Variants in KIR2DL1 observed in about 807,000 individuals in gnomAD.
The protein encoded by KIR2DL1 is killer cell immunoglobulin like receptor, two Ig domains and long cytoplasmic tail 1.
KIR2DL1 carries 38 observed loss-of-function variants against 33.9 expected under a neutral mutation model. That is an observed-to-expected ratio of 1.12 (90% CI 0.86 to 1.47). The LOEUF (loss-of-function observed/expected upper bound fraction) is 1.47, where lower values mean the gene tolerates loss of function less well. KIR2DL1 is among the 40% of genes most tolerant of loss of function. The probability of loss-of-function intolerance (pLI) is 0.00; values close to 1 mark genes in which losing one functional copy is unlikely to be tolerated. For missense variants in KIR2DL1, 531 were observed against 433.9 expected, an observed-to-expected ratio of 1.22 and a Z score of -1.99; for synonymous variants, 179 against 165.9, an observed-to-expected ratio of 1.08 and a Z score of -0.61.
chr19:54,781,274 A>C (rs1398971184), intron 5 of KIR2DL1, among the ~76,000 whole-genome samples: 1 of 146,748 alleles, frequency 6.8e-6, no homozygotes, highest in Non-Finnish European at 1.5e-5. Flanking sequence ...CTCTATAATT[A>C]CTTCTTTGAT....
intron 1 of KIR2DL1, among the ~76,000 whole-genome samples, chr19:54,770,150 A>C (rs1271422264): frequency 1.8e-5 from 2 of 110,588 alleles, no homozygotes; most frequent in African/African-American, 7.2e-5. Context: ...GGAGATAGGA[A>C]CCTGGAGGGG....
rs1469789350 is a variant in KIR2DL1 at position 54,770,963 on chromosome 19, G to C, written c.70+79G>C. The C allele has an allele frequency of 4.1e-5, 63 of 1,541,548 alleles. 6 individuals are homozygous for C. Among genetic ancestry groups the C allele is most frequent in the Middle Eastern group, 1.9e-4 (1 of 5,222 alleles). On this transcript the variant is annotated intron_variant, in intron 2 of 7. Coordinates refer to ENST00000336077, the MANE Select transcript of KIR2DL1 (RefSeq NM_014218.3). The stretch of plus-strand genomic sequence containing the variant: ...CTGAAATGGGAGGGAAGTCCTGTCA[G>C]GGAGTCTCTCATAAACTAGGAAGAA...
chr19:54,775,287 G>A lies in KIR2DL1; in HGVS notation c.493G>A (p.Glu165Lys), dbSNP rs373043299. 6.9e-5 allele frequency: 110 copies of A among 1,602,832 alleles called. 6 individuals carry two copies. In the African/African-American group the frequency reaches 8.5e-4, roughly 12 times the overall value. ...YDMYHLSREG[E>K]AHERRLPAGP... is the part of the protein sequence containing the mutation. ...CATGTACCATCTATCCAGGGAAGGG[G>A]AGGCCCATGAACGTAGGCTCCCTGC... Residue 165 changes from glutamate to lysine, a missense_variant, in exon 4 of 8, where the codon GAG becomes AAG. Coordinates refer to ENST00000336077, the MANE Select transcript of KIR2DL1 (RefSeq NM_014218.3).
chr19:54,776,634 C>CTTT (rs113294942), intron 4 of KIR2DL1, among the ~76,000 whole-genome samples: 7 of 128,312 alleles, frequency 5.5e-5, no homozygotes, highest in Non-Finnish European at 1.0e-4. Flanking sequence ...TGAAAGTTCT[C>CTTT]TTTTTTTTTT....
intron 2 of KIR2DL1, among the ~76,000 whole-genome samples, chr19:54,773,031 C>T (rs764594617): frequency 1.3e-5 from 2 of 148,362 alleles, no homozygotes; most frequent in Non-Finnish European, 3.0e-5. Flanking sequence ...CCTGGTTCCT[C>T]TTCCACCCCC....
intron 4 of KIR2DL1, among the ~76,000 whole-genome samples, chr19:54,776,843 T>G (rs1485437118): frequency 8.1e-5 from 12 of 147,320 alleles, no homozygotes; most frequent in East Asian, 3.9e-4. Context: ...GGTTTCCCCA[T>G]GTTGGCTGGG....
At chr19:54,781,834 T>C (rs545816529) in intron 5 of KIR2DL1, among the ~76,000 whole-genome samples, 476 of 151,898 alleles carry the variant, frequency 3.1e-3, no homozygotes, top group African/African-American at 0.011. Flanking sequence ...AGTTGTTTGA[T>C]TCAAGAATGC....
rs2076107016 is a variant in KIR2DL1, at chr19:54,774,544, GATAGATAATAGGTTATAGATAC to G, written c.371-614_371-593del. On this transcript the variant is annotated intron_variant, in intron 3 of 7. Coordinates refer to ENST00000336077, the MANE Select transcript of KIR2DL1 (RefSeq NM_014218.3). ...ATAGATAGATGATAAATAGGTAGAT[GATAGATAATAGGTTATAGATAC>G]ATAGATGATGATTGATTGATTCATT... Among the ~76,000 whole-genome samples, 2 of 148,266 alleles carry G rather than the reference GATAGATAATAGGTTATAGATAC, an allele frequency of 1.3e-5. 1 individual carries two copies. Among genetic ancestry groups the G allele is most frequent in the Non-Finnish European group, 3.0e-5 (2 of 66,162 alleles).
chr19:54,771,019 G>T, intron 2 of KIR2DL1, 135 bp downstream of exon 2: 13 of 1,324,846 alleles, frequency 9.8e-6, no homozygotes, highest in Non-Finnish European at 1.4e-5. Flanking sequence ...CCACATTTCT[G>T]ACCTTGCCTC....
At chr19:54,772,874 G>T (rs866339559) in intron 2 of KIR2DL1, among the ~76,000 whole-genome samples, 1 of 144,992 alleles carries the variant, frequency 6.9e-6, no homozygotes, top group Non-Finnish European at 1.5e-5. Context: ...CACTGGCATG[G>T]CAAGAGTGGC....
intron 5 of KIR2DL1, among the ~76,000 whole-genome samples, chr19:54,782,504 G>C (rs1222061195): frequency 6.6e-6 from 1 of 151,994 alleles, no homozygotes; most frequent in South Asian, 2.1e-4. Flanking sequence ...GGGAGCAAGG[G>C]GGAGGGGGAG....
At chr19:54,782,367 C>A in intron 5 of KIR2DL1, among the ~76,000 whole-genome samples, 1 of 152,076 alleles carries the variant, frequency 6.6e-6, no homozygotes, top group South Asian at 2.1e-4. Context: ...CCTCACCGTT[C>A]TGCAGGCTGT....
chr19:54,784,033 CTTAACCCACAGT>C lies in KIR2DL1; in HGVS notation c.*222_*233del. 1 of 744,816 alleles carries C rather than the reference CTTAACCCACAGT, an allele frequency of 1.3e-6. No individual in the cohort carries two copies. The highest frequency in any genetic ancestry group is 2.2e-6 in the Non-Finnish European group (1 of 455,894). The allele number at this position is 744,816 out of a possible 1,614,324, so 46.1% of individuals were successfully genotyped here. A position where few individuals can be genotyped will look rare whatever the true frequency, so the allele number is the denominator to read the frequency against. On this transcript the variant is annotated 3_prime_UTR_variant, in exon 8 of 8. Coordinates refer to ENST00000336077, the MANE Select transcript of KIR2DL1 (RefSeq NM_014218.3). ...GCTGGAGAAAAAACACACTCCTTTG[CTTAACCCACAGT>C]TCTCCATTTCACTTGACCCCTGCCC...
intron 6 of KIR2DL1, 126 bp downstream of exon 6, chr19:54,783,149 G>A (rs1312429787): frequency 2.7e-6 from 3 of 1,131,198 alleles, no homozygotes; most frequent in Non-Finnish European, 2.6e-6. Flanking sequence ...ACAGAGGCAG[G>A]ACTTTCTAGA....
At chr19:54,779,933 C>A (rs1272231662) in intron 5 of KIR2DL1, among the ~76,000 whole-genome samples, 2 of 134,394 alleles carry the variant, frequency 1.5e-5, no homozygotes, top group African/African-American at 5.6e-5. Context: ...GAGTCGCCCT[C>A]TGTCTTCCAG....
At chr19:54,780,106 G>C (rs1242034156) in intron 5 of KIR2DL1, 155 of 497,360 alleles carry the variant, frequency 3.1e-4, no homozygotes, top group African/African-American at 9.7e-4. Flanking sequence ...GTTTCACCAC[G>C]TTGGCCAAGC....
At position 54,773,648 on chromosome 19, in the gene KIR2DL1, CTTTCT is replaced by C. The variant is rs1300106072; in HGVS notation, c.370+18_370+22del. ...GTGATCATAGGTGAGAGTGTCCAGA[CTTTCT>C]TCTCATTGTCATTGGGATGCAGAGT... is the stretch of plus-strand genomic sequence containing the variant. On this transcript the variant is annotated intron_variant, in intron 3 of 7. Transcript: ENST00000336077. 1 of 1,552,568 alleles carries C rather than the reference CTTTCT, an allele frequency of 6.4e-7. No homozygotes were observed. Among genetic ancestry groups the C allele is most frequent in the East Asian group, 2.3e-5 (1 of 43,844 alleles).
Position 54,773,520 on chromosome 19 carries a change from C to T in KIR2DL1, c.258C>T (p.Ser86=), listed in dbSNP as rs2075995367. ...ATGGGGTCTCCAAGGCCAACTTCTC[C>T]ATCAGTCGCATGACGCAAGACCTGG... ...HHDGVSKANF[S]ISRMTQDLAG... is the part of the protein sequence containing the mutation. Residue 86 remains serine (S), a synonymous_variant, in exon 3 of 8, where the codon TCC becomes TCT. Transcript: ENST00000336077. The T allele has an allele frequency of 6.3e-7, 1 of 1,584,360 alleles. No homozygotes were observed. Among genetic ancestry groups the T allele is most frequent in the African/African-American group, 1.3e-5 (1 of 74,102 alleles).
At position 54,775,536 on chromosome 19, in the gene KIR2DL1, G is replaced by A. The variant is rs1334316648; in HGVS notation, c.664+78G>A. The stretch of plus-strand genomic sequence containing the variant: ...AGGAGCTTCCTGCTGAGGATGGAGA[G>A]AAGCATGGACAGATGCAGAGAGAAG... On this transcript the variant is annotated intron_variant, in intron 4 of 7. Coordinates refer to ENST00000336077, the MANE Select transcript of KIR2DL1 (RefSeq NM_014218.3). 14 of 1,455,546 alleles carry A rather than the reference G, an allele frequency of 9.6e-6. 1 individual carries two copies. The highest frequency in any genetic ancestry group is 3.8e-5 in the Admixed American group (2 of 52,120). 90.2% of individuals were successfully genotyped at this position (1,455,546 alleles called of 1,614,324 possible). A position where few individuals can be genotyped will look rare whatever the true frequency, so the allele number is the denominator to read the frequency against.
Sources: allele counts gnomAD v4.1 joint callset (sites outside exome capture counted in the v4.1 genomes callset), GRCh38; gene constraint gnomAD v4.1.1; transcripts MANE v1.5; gene names NCBI Gene and HGNC (gene_info 2026-07-23, HGNC 2026-07-21).